The following CCDC92B variants were observed in gnomAD, a reference collection of about 807,000 sequenced individuals.
CCDC92B encodes the protein coiled-coil domain containing 92B, also known as coiled-coil domain-containing 92B.
In CCDC92B, 2 loss-of-function variants were observed where a neutral mutation model predicts 5.6. The observed-to-expected ratio is 0.36, with a 90% CI of 0.15 to 1.12. The LOEUF (loss-of-function observed/expected upper bound fraction) is 1.12. Ranked by LOEUF, CCDC92B falls within the 50% of genes most tolerant of loss-of-function variation. CCDC92B has a pLI of 0.40. For missense variants in CCDC92B, 271 were observed against 262.2 expected, an observed-to-expected ratio of 1.03 and a Z score of -0.23; for synonymous variants, 115 against 122.3, an observed-to-expected ratio of 0.94 and a Z score of 0.39.
intron 1 of CCDC92B, among the ~76,000 whole-genome samples, chr17:2,743,077 G>C (rs1301205748): frequency 6.6e-6 from 1 of 152,172 alleles, no homozygotes; most frequent in Non-Finnish European, 1.5e-5. Flanking sequence ...GCTCCTGACT[G>C]TCATCTCACT....
At position 2,724,193 on chromosome 17, in the gene CCDC92B, G is replaced by A. The variant is rs1004058868; in HGVS notation, c.*218C>T. 3.0e-6 allele frequency: 3 copies of A among 985,318 alleles called. No individual in the cohort carries two copies. Among genetic ancestry groups the A allele is most frequent in the South Asian group, 9.4e-5 (2 of 21,298 alleles). 61.0% of individuals were successfully genotyped at this position (985,318 alleles called of 1,614,324 possible). A position where few individuals can be genotyped will look rare whatever the true frequency, so the allele number is the denominator to read the frequency against. On this transcript the variant is annotated 3_prime_UTR_variant, in exon 4 of 4. Transcript: ENST00000614400. This position sits in a 1 kb window ranked among gnomAD's most constrained non-coding sequence, Gnocchi z 5.0. Reference sequence around the variant, plus strand: ...GAAGGTGCCCCCGCTCGGCCCCGCGGAGGAACTCTCGCGCGAGGAGAGGGC... The same window carrying A: ...GAAGGTGCCCCCGCTCGGCCCCGCGAAGGAACTCTCGCGCGAGGAGAGGGC...
chr17:2,726,421 A>T (rs1170212479), intron 3 of CCDC92B, among the ~76,000 whole-genome samples: 1 of 150,944 alleles, frequency 6.6e-6, no homozygotes, highest in African/African-American at 2.4e-5. Context: ...TGACCTCGTG[A>T]TCCGCCTGCC....
chr17:2,736,919 A>C (rs1247954564), intron 1 of CCDC92B, among the ~76,000 whole-genome samples: 1 of 147,766 alleles, frequency 6.8e-6, no homozygotes, highest in Non-Finnish European at 1.5e-5. Context: ...AATAAAATAC[A>C]TACATACATA....
intron 2 of CCDC92B, among the ~76,000 whole-genome samples, chr17:2,730,878 C>A (rs943419149): frequency 1.3e-5 from 2 of 152,174 alleles, no homozygotes; most frequent in African/African-American, 4.8e-5. Context: ...TCTGGAGGAC[C>A]CTTGCCGTGC....
chr17:2,734,366 A>G (rs1481649070), intron 2 of CCDC92B, among the ~76,000 whole-genome samples: 1 of 151,730 alleles, frequency 6.6e-6, no homozygotes, highest in Admixed American at 6.6e-5. Context: ...CTACCTTAAT[A>G]CCACCAGTTG....
chr17:2,739,758 G>A (rs766869033), intron 1 of CCDC92B, among the ~76,000 whole-genome samples: 3 of 152,044 alleles, frequency 2.0e-5, no homozygotes, highest in Admixed American at 6.6e-5. Flanking sequence ...AGCACAGGAC[G>A]TAGCTCAGTC....
At chr17:2,729,224 C>T (rs1435548773) in intron 3 of CCDC92B, among the ~76,000 whole-genome samples, 2 of 152,136 alleles carry the variant, frequency 1.3e-5, no homozygotes, top group Non-Finnish European at 2.9e-5. Context: ...GACTCGGTGG[C>T]TCACACCTGT....
At chr17:2,725,969 A>G (rs971718517) in intron 3 of CCDC92B, among the ~76,000 whole-genome samples, 3 of 148,100 alleles carry the variant, frequency 2.0e-5, no homozygotes, top group African/African-American at 7.5e-5. Flanking sequence ...TGTTTCCTCC[A>G]TAGGGCATTT....
chr17:2,736,999 A>G (rs539036436), intron 1 of CCDC92B, among the ~76,000 whole-genome samples: 1 of 151,364 alleles, frequency 6.6e-6, no homozygotes, highest in Admixed American at 6.6e-5. Flanking sequence ...CCCATGGCAG[A>G]ACTTTGAGTT....
intron 2 of CCDC92B, among the ~76,000 whole-genome samples, chr17:2,731,562 C>A (rs2070795368): frequency 6.6e-6 from 1 of 152,208 alleles, no homozygotes; most frequent in African/African-American, 2.4e-5. Context: ...GCCTTGTGAC[C>A]CCTCTGCCCC....
chr17:2,728,678 A>T (rs954583553), intron 3 of CCDC92B, among the ~76,000 whole-genome samples: 5 of 152,254 alleles, frequency 3.3e-5, no homozygotes, highest in Middle Eastern at 3.4e-3. Flanking sequence ...GTGATCTCAA[A>T]AGCCCTTTCA....
At position 2,724,451 on chromosome 17, in the gene CCDC92B, G is replaced by C; in HGVS notation, c.728C>G (p.Pro243Arg). ...GGGCGCGCTGGGCTGGCTGGGCGCG[G>C]GCTGCGGGCCGGCTCGGTCCGGGGG... ...QEPPDRAGPQ[P>R]APSQPSAPGD... The change falls in exon 4 of 4, where the codon CCC becomes CGC. Residue 243 changes from proline to arginine, a missense_variant. Physicochemically the swap from Pro to Arg is moderately radical, Grantham distance 103. Coordinates refer to ENST00000614400, the MANE Select transcript of CCDC92B (RefSeq NM_001355573.2). The surrounding 1 kb of genome is among the most constrained non-coding windows in gnomAD (Gnocchi z 5.0). The C allele has an allele frequency of 1.0e-6, 1 of 984,340 alleles. No individual in the cohort carries two copies. Among genetic ancestry groups the C allele is most frequent in the Non-Finnish European group, 1.2e-6 (1 of 829,632 alleles). 61.0% of individuals were successfully genotyped at this position (984,340 alleles called of 1,614,324 possible). A position where few individuals can be genotyped will look rare whatever the true frequency, so the allele number is the denominator to read the frequency against.
At chr17:2,740,114 G>A (rs1170575692) in intron 1 of CCDC92B, among the ~76,000 whole-genome samples, 1 of 152,054 alleles carries the variant, frequency 6.6e-6, no homozygotes, top group Non-Finnish European at 1.5e-5. Context: ...GTTCTCTTTG[G>A]GGAAGTAACT....
chr17:2,724,543 G>GA lies in CCDC92B; in HGVS notation c.635dup (p.Phe213LeufsTer143). On this transcript the variant is annotated frameshift_variant, in exon 4 of 4. Coordinates refer to ENST00000614400, the MANE Select transcript of CCDC92B (RefSeq NM_001355573.2). LOFTEE classifies it low-confidence loss of function (END_TRUNC). The surrounding 1 kb of genome is among the most constrained non-coding windows in gnomAD (Gnocchi z 5.0). ...GCAGCGGCCTGCGTGCATAGAGGAA[G>GA]AGCGCGGGGTCGGGCATGGGGTCGG... 1 of 982,508 alleles carries GA rather than the reference G, an allele frequency of 1.0e-6. No homozygotes were observed. Among genetic ancestry groups the GA allele is most frequent in the South Asian group, 4.7e-5 (1 of 21,484 alleles). 60.9% of individuals were successfully genotyped at this position (982,508 alleles called of 1,614,324 possible).
intron 2 of CCDC92B, among the ~76,000 whole-genome samples, chr17:2,734,388 TC>T (rs972141175): frequency 6.6e-6 from 1 of 151,986 alleles, no homozygotes; most frequent in African/African-American, 2.4e-5. Flanking sequence ...CCTGTGTGTC[TC>T]CCTAGCTAGA....
chr17:2,727,652 C>A (rs996913931), intron 3 of CCDC92B, among the ~76,000 whole-genome samples: 22 of 152,010 alleles, frequency 1.4e-4, no homozygotes, highest in African/African-American at 4.6e-4. Flanking sequence ...GGCGAAACCC[C>A]GTCTCTACTA....
chr17:2,723,856 C>T lies in CCDC92B; in HGVS notation c.*555G>A. On this transcript the variant is annotated 3_prime_UTR_variant, in exon 4 of 4. Coordinates refer to ENST00000614400, the MANE Select transcript of CCDC92B (RefSeq NM_001355573.2). ...GACGTGTCTTCTAAAGTGTTCCGTGCTCACCTGCAAGGACCTATCGGCAGG... is the reference window on the plus strand; with the variant it reads ...GACGTGTCTTCTAAAGTGTTCCGTGTTCACCTGCAAGGACCTATCGGCAGG... 1 of 663,820 alleles carries T rather than the reference C, an allele frequency of 1.5e-6. No homozygotes were observed. The highest frequency in any genetic ancestry group is 7.6e-4 in the Middle Eastern group (1 of 1,318). The allele number at this position is 663,820 out of a possible 1,614,324, so 41.1% of individuals were successfully genotyped here. A position where few individuals can be genotyped will look rare whatever the true frequency, so the allele number is the denominator to read the frequency against.
intron 2 of CCDC92B, among the ~76,000 whole-genome samples, chr17:2,733,656 G>A (rs568169997): frequency 1.1e-4 from 17 of 149,346 alleles, no homozygotes; most frequent in South Asian, 4.3e-4. Context: ...CTCTGCTCCC[G>A]TCCAATCTTC....
intron 1 of CCDC92B, among the ~76,000 whole-genome samples, chr17:2,738,653 G>C (rs543044861): frequency 2.0e-5 from 3 of 151,628 alleles, no homozygotes; most frequent in African/African-American, 4.9e-5. Context: ...CCAGCTACTC[G>C]GAGAGGCCGA....
Sources: allele counts gnomAD v4.1 joint callset (sites outside exome capture counted in the v4.1 genomes callset), GRCh38; gene constraint gnomAD v4.1.1; non-coding constraint Gnocchi (gnomAD v3.1); transcripts MANE v1.5; gene names NCBI Gene and HGNC (gene_info 2026-07-23, HGNC 2026-07-21).